Variants in SYT1 observed in about 807,000 individuals in gnomAD.
The protein encoded by SYT1 is synaptotagmin 1.
Under a neutral mutation model 44.8 loss-of-function variants are expected in SYT1, and 8 were observed. That is an observed-to-expected ratio of 0.18 (90% CI 0.10 to 0.32). The LOEUF (loss-of-function observed/expected upper bound fraction) is 0.32. SYT1 is among the 10% of genes least tolerant of loss of function. SYT1 has a pLI of 1.00. For synonymous variants in SYT1, 154 were observed against 188.8 expected (o/e 0.82, Z 1.51); for missense variants, 286 against 509.3 (o/e 0.56, Z 4.22).
chr12:79,280,812 A>T (rs927061668), intron 4 of SYT1, among the ~76,000 whole-genome samples: 1 of 151,946 alleles, frequency 6.6e-6, no homozygotes, highest in African/African-American at 2.4e-5. Context: ...AGAAAAAAAG[A>T]TAATAATCCC....
intron 4 of SYT1, among the ~76,000 whole-genome samples, chr12:79,269,051 T>C (rs1878278240): frequency 6.6e-6 from 1 of 151,564 alleles, no homozygotes; most frequent in Admixed American, 6.6e-5. Context: ...CTCCATGAAG[T>C]CGTTTTTGAA....
intron 4 of SYT1, among the ~76,000 whole-genome samples, chr12:79,243,578 G>A (rs1303252929): frequency 6.6e-6 from 1 of 152,124 alleles, no homozygotes; most frequent in East Asian, 1.9e-4. Flanking sequence ...TTCAAGCATC[G>A]TAAAGCATTC....
intron 2 of SYT1, among the ~76,000 whole-genome samples, chr12:79,024,686 T>C (rs1872412720): frequency 1.3e-5 from 2 of 151,774 alleles, no homozygotes; most frequent in African/African-American, 4.8e-5. Context: ...CTTTCTAGGG[T>C]ACATTCTGTT....
intron 3 of SYT1, among the ~76,000 whole-genome samples, chr12:79,155,746 T>A (rs1286557925): frequency 6.6e-6 from 1 of 152,226 alleles, no homozygotes; most frequent in Non-Finnish European, 1.5e-5. Flanking sequence ...TGGAACAAAC[T>A]TCTCTGACAG....
intron 3 of SYT1, among the ~76,000 whole-genome samples, chr12:79,118,259 G>A (rs895737992): frequency 2.0e-5 from 3 of 152,174 alleles, no homozygotes; most frequent in African/African-American, 7.2e-5. Flanking sequence ...TATTGGTTAT[G>A]TATTGAACTC....
intron 9 of SYT1, 45 bp from the exon 10 acceptor site, chr12:79,444,028 A>G (rs770862271): frequency 6.3e-7 from 1 of 1,599,996 alleles, no homozygotes; most frequent in Non-Finnish European, 8.5e-7. Flanking sequence ...AATCTAAAAT[A>G]TGTGTCTCTG....
At chr12:79,304,337 A>T (rs1339628768) in intron 8 of SYT1, among the ~76,000 whole-genome samples, 1 of 152,244 alleles carries the variant, frequency 6.6e-6, no homozygotes, top group African/African-American at 2.4e-5. Flanking sequence ...AATGAAGGTT[A>T]AAGTATTCTG....
chr12:79,337,685 C>T (rs1882156656), intron 8 of SYT1, among the ~76,000 whole-genome samples: 2 of 152,162 alleles, frequency 1.3e-5, no homozygotes, highest in African/African-American at 4.8e-5. Context: ...ACAATGCCTT[C>T]CAAGGTTTAT....
At chr12:79,383,061 G>A (rs949811454) in intron 9 of SYT1, among the ~76,000 whole-genome samples, 1 of 152,072 alleles carries the variant, frequency 6.6e-6, no homozygotes, top group Admixed American at 6.5e-5. Context: ...AGGCCTTATA[G>A]TGCTTTGTGG....
At chr12:78,949,699 T>C (rs1455549808) in intron 1 of SYT1, among the ~76,000 whole-genome samples, 10 of 151,948 alleles carry the variant, frequency 6.6e-5, no homozygotes, top group South Asian at 2.1e-4. Context: ...TATTTTTGAG[T>C]GAGAAAATAT....
chr12:79,293,175 T>G (rs1879675724), intron 6 of SYT1, among the ~76,000 whole-genome samples: 1 of 143,590 alleles, frequency 7.0e-6, no homozygotes, highest in South Asian at 2.2e-4. Flanking sequence ...AAAAAAAAAA[T>G]TAGCTGGGCG....
At chr12:79,264,086 C>G (rs2138740988) in intron 4 of SYT1, among the ~76,000 whole-genome samples, 1 of 152,008 alleles carries the variant, frequency 6.6e-6, no homozygotes, top group East Asian at 1.9e-4. Context: ...TGATTTTTTC[C>G]AAGGATTTTT....
At chr12:79,167,802 A>C (rs1030211414) in intron 3 of SYT1, among the ~76,000 whole-genome samples, 1 of 152,034 alleles carries the variant, frequency 6.6e-6, no homozygotes, top group African/African-American at 2.4e-5. Context: ...CATGGAAGAC[A>C]ATTTTTCCCT....
chr12:79,236,381 A>G (rs1265726793), intron 4 of SYT1, among the ~76,000 whole-genome samples: 1 of 152,108 alleles, frequency 6.6e-6, no homozygotes. Context: ...TGAACTAATT[A>G]CTGTTCTACA....
chr12:79,392,366 A>C (rs546039111), intron 9 of SYT1: 14 of 152,362 alleles, frequency 9.2e-5, no homozygotes, highest in African/African-American at 3.1e-4. Flanking sequence ...AACAGATTTC[A>C]TAATTTGAAA....
chr12:79,122,601 A>G (rs1868294970), intron 3 of SYT1, among the ~76,000 whole-genome samples: 1 of 151,264 alleles, frequency 6.6e-6, no homozygotes, highest in Admixed American at 6.6e-5. Context: ...AAATTGAGCT[A>G]TTACTAAACT....
At chr12:79,202,655 C>T (rs1376412755) in intron 3 of SYT1, among the ~76,000 whole-genome samples, 4 of 152,100 alleles carry the variant, frequency 2.6e-5, no homozygotes, top group African/African-American at 7.2e-5. Flanking sequence ...CCAAGTCCCC[C>T]GGATTTATTT....
intron 3 of SYT1, among the ~76,000 whole-genome samples, chr12:79,199,699 A>C (rs906110260): frequency 6.6e-6 from 1 of 152,174 alleles, no homozygotes; most frequent in Non-Finnish European, 1.5e-5. Flanking sequence ...CCCTTATAAC[A>C]GAGTAATGCA....
chr12:79,153,083 A>C (rs1457442198), intron 3 of SYT1, among the ~76,000 whole-genome samples: 1 of 152,038 alleles, frequency 6.6e-6, no homozygotes, highest in Non-Finnish European at 1.5e-5. Flanking sequence ...ATCGATGACC[A>C]AAAAACAACC....
Sources: gnomAD v4.1 joint callset for allele counts (sites outside exome capture counted in the v4.1 genomes callset) on GRCh38, gnomAD v4.1.1 for gene constraint, MANE v1.5 for transcripts, NCBI Gene and HGNC (gene_info 2026-07-23, HGNC 2026-07-21) for gene names.